The following MROH1 variants were observed in gnomAD, a reference collection of about 807,000 sequenced individuals.
MROH1 encodes maestro heat-like repeat-containing protein family member 1.
A neutral mutation model predicts 116.5 loss-of-function variants in MROH1; 117 were observed. That is an observed-to-expected ratio of 1.00 (90% confidence interval 0.86 to 1.17). The LOEUF (loss-of-function observed/expected upper bound fraction) is 1.17. Ranked by LOEUF, MROH1 falls within the 50% of genes most tolerant of loss-of-function variation. The pLI is 0.00. For missense variants in MROH1, 1,873 were observed against 1,338.5 expected (o/e 1.40, Z -6.23); for synonymous variants, 921 against 583.9 (o/e 1.58, Z -8.32).
intron 1 of MROH1, among the ~76,000 whole-genome samples, chr8:144,150,396 T>G (rs1816419975): frequency 2.0e-5 from 3 of 152,348 alleles, no homozygotes. Context: ...TGTGTTTTTT[T>G]CTGACATCCC....
In MROH1 at chr8:144,259,952, C is replaced by T. The variant is rs1844687643; in HGVS notation, c.4086C>T (p.Asp1362=). 8 of 743,178 alleles carry T rather than the reference C, an allele frequency of 1.1e-5. No homozygotes were observed. In the South Asian group the frequency reaches 1.1e-4, roughly 11 times the overall value. 46.0% of individuals were successfully genotyped at this position (743,178 alleles called of 1,614,324 possible). A position where few individuals can be genotyped will look rare whatever the true frequency, so the allele number is the denominator to read the frequency against. Residue 1362 remains aspartate (D), a synonymous_variant, in exon 38 of 44, where the codon GAC becomes GAT. Coordinates refer to ENST00000326134, the MANE Select transcript of MROH1 (RefSeq NM_032450.3). ...TGGCCAACGACCTCATGCTCTTGGA[C>T]TCGCTGCTGGAGAGCCTGGCGGCTC... ...SNVANDLMLL[D]SLLESLAARQ...
chr8:144,168,438 A>T lies in MROH1; in HGVS notation c.166A>T (p.Lys56Ter). Residue 56 changes from lysine (K) to a stop codon, truncating the protein, a stop_gained and splice_region_variant, in exon 4 of 44, where the codon AAG (lysine) becomes TAG (stop). Coordinates refer to ENST00000326134, the MANE Select transcript of MROH1 (RefSeq NM_032450.3). LOFTEE classifies it high-confidence loss of function. ...ACEEYLRQHD[K>*]LAHPYRAAVL... ...CGAGGAGTATCTGCGGCAGCATGAC[A>T]AGGTATGTGTGCTCCTTGGTGGGGA... is the stretch of plus-strand genomic sequence containing the variant. 1.2e-6 allele frequency: 2 copies of T among 1,605,322 alleles called. No individual in the cohort carries two copies. The highest frequency in any genetic ancestry group is 1.7e-6 in the Non-Finnish European group (2 of 1,176,532).
In MROH1 at chr8:144,200,451, C is replaced by T. The variant is rs1397675934; in HGVS notation, c.1051C>T (p.Leu351=). ...VLACSSPDRL[L]AFLLPRLDTS... The stretch of plus-strand genomic sequence containing the variant: ...AGCCTGCAGCTCGCCTGACCGCCTA[C>T]TGGCCTTCCTGCTGCCCAGGCTGGA... Residue 351 remains leucine (L), a synonymous_variant, in exon 12 of 44, where the codon CTG becomes TTG. Coordinates refer to ENST00000326134, the MANE Select transcript of MROH1 (RefSeq NM_032450.3). The T allele has an allele frequency of 1.4e-5, 22 of 1,550,768 alleles. No homozygotes were observed. Among genetic ancestry groups the T allele is most frequent in the Admixed American group, 3.9e-5 (2 of 51,036 alleles).
chr8:144,204,280 T>C (rs1832361154), intron 12 of MROH1, among the ~76,000 whole-genome samples: 1 of 152,140 alleles, frequency 6.6e-6, no homozygotes, highest in Non-Finnish European at 1.5e-5. Context: ...TCTGCCAGTT[T>C]TTTTGTATTT....
At chr8:144,233,371 G>A (rs1297945925) in intron 14 of MROH1, among the ~76,000 whole-genome samples, 24 of 73,516 alleles carry the variant, frequency 3.3e-4, no homozygotes, top group South Asian at 4.3e-4. Context: ...TCCCTCCCCC[G>A]CAGCTCCTGC....
intron 39 of MROH1, 135 bp from the exon 40 acceptor site, chr8:144,260,542 C>G: frequency 1.3e-6 from 1 of 747,714 alleles, no homozygotes; most frequent in East Asian, 2.5e-5. Context: ...GCAGCCCCCA[C>G]CCGTAAGGCC....
intron 13 of MROH1, among the ~76,000 whole-genome samples, chr8:144,221,277 A>G (rs1836684203): frequency 6.6e-6 from 1 of 152,190 alleles, no homozygotes; most frequent in Non-Finnish European, 1.5e-5. Flanking sequence ...CACCTGTCAC[A>G]TGAGACCATC....
intron 10 of MROH1, among the ~76,000 whole-genome samples, chr8:144,195,195 TAAAAAAAAAAA>T (rs561902621): frequency 8.6e-5 from 1 of 11,682 alleles, no homozygotes; most frequent in Non-Finnish European, 1.4e-4. Context: ...ACTGTGTCTT[TAAAAAAAAAAA>T]AAAAAAAAAA....
chr8:144,243,161 C>T lies in MROH1; in HGVS notation c.2353-333C>T, dbSNP rs967408868. ...AAGAATAGGCCCTCTGGTTCTCCTG[C>T]GGTGGCTGGGAGGGCGGGGCTGTTC... On this transcript the variant is annotated intron_variant, in intron 24 of 43. Coordinates refer to ENST00000326134, the MANE Select transcript of MROH1 (RefSeq NM_032450.3). 2.6e-5 allele frequency among the ~76,000 whole-genome samples: 4 copies of T among 152,244 alleles called. No individual in the cohort carries two copies. In the East Asian group the frequency reaches 5.8e-4, roughly 22 times the overall value.
intron 12 of MROH1, chr8:144,213,271 G>A (rs7846174): frequency 0.99 from 588,412 of 594,634 alleles, 291,387 homozygotes; most frequent in East Asian, 1. Flanking sequence ...TGTAGGTTCC[G>A]TGGGAAGAGC....
At chr8:144,220,759 C>T (rs1243035103) in intron 13 of MROH1, 86 bp downstream of exon 13, 4 of 1,231,270 alleles carry the variant, frequency 3.2e-6, no homozygotes, top group Non-Finnish European at 4.6e-6. Context: ...AGATCACCCA[C>T]CAACCAGGCG....
intron 1 of MROH1, among the ~76,000 whole-genome samples, chr8:144,151,161 T>A (rs1431677078): frequency 3.4e-5 from 5 of 145,480 alleles, no homozygotes; most frequent in African/African-American, 1.3e-4. Flanking sequence ...GGCAGGAGAA[T>A]CGCTTGAACC....
At chr8:144,203,722 ATGCACTC>A (rs1266288799) in intron 12 of MROH1, among the ~76,000 whole-genome samples, 3 of 152,150 alleles carry the variant, frequency 2.0e-5, no homozygotes, top group Non-Finnish European at 2.9e-5. Context: ...CGTCAGCAGC[ATGCACTC>A]AGCCTCTGGT....
In MROH1 at chr8:144,179,548, A is replaced by G; in HGVS notation, c.262A>G (p.Ile88Val). The G allele has an allele frequency of 5.0e-6, 8 of 1,613,120 alleles. No homozygotes were observed. The highest frequency in any genetic ancestry group is 6.8e-6 in the Non-Finnish European group (8 of 1,179,662). The change falls in exon 5 of 44, where the codon ATC (isoleucine) becomes GTC (valine). Residue 88 changes from isoleucine to valine, a missense_variant. Transcript: ENST00000326134. ...SELDKDTAST[I>V]ILLASSEMTK... ...GCTGGACAAGGACACAGCCAGCACC[A>G]TCATCCTCCTGGCCTCCAGCGAGAT...
intron 11 of MROH1, 106 bp from the exon 12 acceptor site, chr8:144,200,322 C>G: frequency 1.1e-6 from 1 of 905,164 alleles, no homozygotes; most frequent in Non-Finnish European, 1.6e-6. Context: ...CACCTTCACA[C>G]AGCAACTCTC....
chr8:144,179,381 A>C lies in MROH1; in HGVS notation c.169-74A>C, dbSNP rs1025867904. The C allele has an allele frequency of 1.9e-6, 3 of 1,582,566 alleles. No homozygotes were observed. In the African/African-American group the frequency reaches 4.0e-5, roughly 21 times the overall value. ...AGATTTGTGCGGTTTCATCTTGTAG[A>C]GACAGTGACAGGCACTCAGAGTGTC... On this transcript the variant is annotated intron_variant, in intron 4 of 43. Transcript: ENST00000326134.
chr8:144,168,352 A>AG lies in MROH1; in HGVS notation c.82dup (p.Val28GlyfsTer28). 1.2e-6 allele frequency: 2 copies of AG among 1,610,994 alleles called. No individual in the cohort carries two copies. The highest frequency in any genetic ancestry group is 1.7e-6 in the Non-Finnish European group (2 of 1,179,688). On this transcript the variant is annotated frameshift_variant, in exon 4 of 44. Coordinates refer to ENST00000326134, the MANE Select transcript of MROH1 (RefSeq NM_032450.3). LOFTEE classifies it high-confidence loss of function. The stretch of plus-strand genomic sequence containing the variant: ...GATAAGGACCCCCTGGTGCAGGAGC[A>AG]GGTCTGCAGTGCCCTGTGCTCCCTC...
intron 10 of MROH1, 72 bp downstream of exon 10, chr8:144,192,473 T>C (rs1227790860): frequency 7.3e-7 from 1 of 1,377,352 alleles, no homozygotes; most frequent in Admixed American, 2.0e-5. Context: ...GGACAAGGGG[T>C]GCAGAAAGCA....
chr8:144,224,369 C>T (rs1028216330), intron 14 of MROH1, among the ~76,000 whole-genome samples: 2 of 152,100 alleles, frequency 1.3e-5, no homozygotes, highest in Non-Finnish European at 2.9e-5. Context: ...TGTGCTGAAG[C>T]GATCATCCTA....
Sources: allele counts gnomAD v4.1 joint callset (sites outside exome capture counted in the v4.1 genomes callset), GRCh38; gene constraint gnomAD v4.1.1; transcripts MANE v1.5; gene names NCBI Gene and HGNC (gene_info 2026-07-23, HGNC 2026-07-21).